FBXO38: variants seen among roughly 807,000 people sequenced by gnomAD.
FBXO38 encodes F-box protein 38.
In FBXO38, 53 loss-of-function variants were observed where a neutral mutation model predicts 131.9. The ratio of observed to expected loss-of-function variants is 0.40; its 90% confidence interval spans 0.32 to 0.51. The LOEUF is 0.51. FBXO38 is among the 20% of genes least tolerant of loss of function. The pLI is 0.53. For missense variants in FBXO38, 1,076 were observed against 1,475.6 expected, an observed-to-expected ratio of 0.73 and a Z score of 4.44; for synonymous variants, 452 against 505.6, an observed-to-expected ratio of 0.89 and a Z score of 1.42.
At chr5:148,440,286 C>A in intron 19 of FBXO38, 138 bp from the exon 20 acceptor site, 1 of 618,054 alleles carries the variant, frequency 1.6e-6, no homozygotes, top group Non-Finnish European at 2.9e-6. Context: ...GTGTATCCTA[C>A]TTCCGTTAGG....
intron 1 of FBXO38, among the ~76,000 whole-genome samples, chr5:148,394,488 A>C (rs1312091126): frequency 1.3e-5 from 2 of 152,170 alleles, no homozygotes; most frequent in Non-Finnish European, 2.9e-5. Flanking sequence ...GCTCTTTCTA[A>C]GTAATGCATA....
chr5:148,388,024 GTTGA>G (rs1758007187), intron 1 of FBXO38, among the ~76,000 whole-genome samples: 1 of 85,586 alleles, frequency 1.2e-5, no homozygotes, highest in African/African-American at 4.0e-5. Flanking sequence ...TGACTTGAAA[GTTGA>G]AAGTTCTTGA....
intron 17 of FBXO38, chr5:148,434,398 T>C (rs1050680457): frequency 3.3e-5 from 5 of 152,216 alleles, no homozygotes; most frequent in African/African-American, 9.6e-5. Context: ...CTATTAATTT[T>C]ACCTTTTTTA....
intron 1 of FBXO38, among the ~76,000 whole-genome samples, chr5:148,387,686 A>C (rs559526442): frequency 1.1e-3 from 136 of 123,866 alleles, no homozygotes; most frequent in East Asian, 1.3e-3. Context: ...TAGGGAATTT[A>C]TTTCTTTTTT....
chr5:148,425,645 G>A lies in FBXO38; in HGVS notation c.1862G>A (p.Arg621His), dbSNP rs199901955. Reference protein sequence around the residue: ...EVWIPKNGTRRYSEREEKTGE... With the variant: ...EVWIPKNGTRHYSEREEKTGE... Reference sequence around the variant, plus strand: ...TGGATTCCTAAGAACGGTACTCGGCGTTACTCTGAACGTGAAGAAAAAACT... The same window carrying A: ...TGGATTCCTAAGAACGGTACTCGGCATTACTCTGAACGTGAAGAAAAAACT... The change falls in exon 14 of 22, where the codon CGT (arginine) becomes CAT (histidine). Residue 621 changes from arginine to histidine, a missense_variant. Coordinates refer to ENST00000340253, the MANE Select transcript of FBXO38 (RefSeq NM_205836.3). The A allele has an allele frequency of 6.6e-5, 107 of 1,613,862 alleles. No individual in the cohort carries two copies. In the Admixed American group the frequency reaches 7.2e-4, roughly 11 times the overall value.
chr5:148,435,494 G>A (rs1011975899), intron 17 of FBXO38, among the ~76,000 whole-genome samples: 30 of 152,220 alleles, frequency 2.0e-4, no homozygotes, highest in African/African-American at 6.5e-4. Flanking sequence ...ATTTGTGGCC[G>A]GGCGCAGTGC....
In FBXO38 at chr5:148,433,690, T is replaced by C. The variant is rs1253777904; in HGVS notation, c.2810T>C (p.Ile937Thr). ...GGAGTCACTATGACCAATTGTGGAA[T>C]CACAGATCTAGTGCTAAAAGACTGT... ...LVGVTMTNCG[I>T]TDLVLKDCPK... Residue 937 changes from isoleucine to threonine, a missense_variant, in exon 17 of 22, where the codon ATC becomes ACC. Transcript: ENST00000340253. The C allele has an allele frequency of 1.2e-6, 2 of 1,612,154 alleles. No homozygotes were observed. The highest frequency in any genetic ancestry group is 4.5e-5 in the East Asian group (2 of 44,844).
intron 1 of FBXO38, among the ~76,000 whole-genome samples, chr5:148,386,911 A>C (rs1757943005): frequency 6.6e-6 from 1 of 151,424 alleles, no homozygotes; most frequent in African/African-American, 2.5e-5. Context: ...ACTTAATTTA[A>C]AAAAAATGCT....
chr5:148,399,297 C>T (rs902359133), intron 3 of FBXO38, 165 bp downstream of exon 3: 13 of 698,176 alleles, frequency 1.9e-5, no homozygotes, highest in South Asian at 3.9e-5. Flanking sequence ...TTGTAAAATG[C>T]GTTTTACCTG....
chr5:148,392,840 G>C (rs1247358037), intron 1 of FBXO38, among the ~76,000 whole-genome samples: 1 of 152,048 alleles, frequency 6.6e-6, no homozygotes, highest in African/African-American at 2.4e-5. Context: ...AGAGGCTATT[G>C]GATTTGTTGA....
chr5:148,385,762 A>G lies in FBXO38; in HGVS notation c.-64+1723A>G, dbSNP rs527343646. 9.7e-4 allele frequency among the ~76,000 whole-genome samples: 148 copies of G among 152,348 alleles called. 1 individual carries two copies. The Middle Eastern group carries it at 0.024, about 25-fold the overall frequency. On this transcript the variant is annotated intron_variant, in intron 1 of 21. Transcript: ENST00000340253. ...ATGTCAATTAAGGTCTGTGAGGTCAAATTAAGTGATATGCAAGATTACTTT... is the reference window on the plus strand; with the variant it reads ...ATGTCAATTAAGGTCTGTGAGGTCAGATTAAGTGATATGCAAGATTACTTT...
Position 148,437,530 on chromosome 5 carries a change from A to C in FBXO38, c.2858-802A>C, listed in dbSNP as rs570982550. Among the ~76,000 whole-genome samples, 13 of 152,312 alleles carry C rather than the reference A, an allele frequency of 8.5e-5. No individual in the cohort carries two copies. In the South Asian group the frequency reaches 1.7e-3, roughly 19 times the overall value. ...ATGTTACAGATGTCTGTGAAATGTT[A>C]AGATCAGACAAATGAGCCTGTGGTT... is the stretch of plus-strand genomic sequence containing the variant. On this transcript the variant is annotated intron_variant, in intron 17 of 21. Transcript: ENST00000340253.
chr5:148,405,510 A>G (rs1752395554), intron 6 of FBXO38, among the ~76,000 whole-genome samples: 1 of 152,196 alleles, frequency 6.6e-6, no homozygotes, highest in African/African-American at 2.4e-5. Context: ...GCTTAAGGTC[A>G]TGATAACCAG....
intron 12 of FBXO38, among the ~76,000 whole-genome samples, chr5:148,422,159 A>C (rs1355144852): frequency 6.6e-6 from 1 of 152,102 alleles, no homozygotes; most frequent in East Asian, 1.9e-4. Flanking sequence ...AACAAACCAA[A>C]CAATATTGAT....
intron 1 of FBXO38, chr5:148,384,863 C>T (rs1757827624): frequency 6.6e-6 from 1 of 152,206 alleles, no homozygotes; most frequent in Admixed American, 6.5e-5. Context: ...GTGTAAATCA[C>T]TACAAAGTGA....
chr5:148,388,285 A>C (rs1358751698), intron 1 of FBXO38, among the ~76,000 whole-genome samples: 1 of 152,162 alleles, frequency 6.6e-6, no homozygotes, highest in Non-Finnish European at 1.5e-5. Flanking sequence ...GGCAGAGTAG[A>C]TTTAGCATCA....
At chr5:148,434,735 A>G (rs777301777) in intron 17 of FBXO38, 7 of 152,222 alleles carry the variant, frequency 4.6e-5, no homozygotes, top group African/African-American at 1.4e-4. Context: ...CGTTTATACT[A>G]TAGTCTATTA....
At chr5:148,438,248 A>G in intron 17 of FBXO38, 84 bp from the exon 18 acceptor site, 1 of 1,139,304 alleles carries the variant, frequency 8.8e-7, no homozygotes, top group Non-Finnish European at 1.3e-6. Flanking sequence ...GATGTTTGTT[A>G]CTGCAGTATT....
At position 148,441,164 on chromosome 5, in the gene FBXO38, C is replaced by G; in HGVS notation, c.3315C>G (p.Phe1105Leu). 1.2e-6 allele frequency: 2 copies of G among 1,614,050 alleles called. No homozygotes were observed. The highest frequency in any genetic ancestry group is 8.5e-7 in the Non-Finnish European group (1 of 1,179,966). The stretch of plus-strand genomic sequence containing the variant: ...CTCCATATTCCATGATTTCTGACTT[C>G]CCTTGGCTGAGGTCATTACGAGCTG... ...DGAPYSMISD[F>L]PWLRSLRAAE... Residue 1105 changes from phenylalanine to leucine, a missense_variant, in exon 21 of 22, where the codon TTC becomes TTG. By Grantham distance (22) the Phe-to-Leu change is conservative. This residue lies in a region of FBXO38 where 282 missense variants were observed against 418.8 expected (regional missense o/e 0.67). Coordinates refer to ENST00000340253, the MANE Select transcript of FBXO38 (RefSeq NM_205836.3).
Sources: allele counts gnomAD v4.1 joint callset (sites outside exome capture counted in the v4.1 genomes callset), GRCh38; gene constraint gnomAD v4.1.1; regional missense constraint gnomAD v4.1.1; transcripts MANE v1.5; gene names NCBI Gene and HGNC (gene_info 2026-07-23, HGNC 2026-07-21).